ACADL: variants seen among roughly 807,000 people sequenced by gnomAD.
The protein encoded by ACADL is acyl-CoA dehydrogenase long chain, also known as long-chain specific acyl-CoA dehydrogenase, mitochondrial.
A neutral mutation model predicts 56.9 loss-of-function variants in ACADL; 60 were observed. The observed-to-expected ratio is 1.05, with a 90% CI of 0.86 to 1.31. The LOEUF (loss-of-function observed/expected upper bound fraction) is 1.31, where lower values mean the gene tolerates loss of function less well. Among genes scored for constraint, ACADL ranks in the 50% most tolerant of loss-of-function variants. ACADL has a pLI of 0.00. For synonymous variants in ACADL, 158 were observed against 179.7 expected (o/e 0.88, Z 0.97); for missense variants, 484 against 525.5 (o/e 0.92, Z 0.77).
Position 210,225,195 on chromosome 2 carries a change from G to A in ACADL, c.69C>T (p.Pro23=). 1 of 1,535,264 alleles carries A rather than the reference G, an allele frequency of 6.5e-7. No homozygotes were observed. The highest frequency in any genetic ancestry group is 2.0e-5 in the Admixed American group (1 of 51,138). Residue 23 remains proline (P), a synonymous_variant, in exon 1 of 11, where the codon CCC becomes CCT. Coordinates refer to ENST00000233710, the MANE Select transcript of ACADL (RefSeq NM_001608.4). ...TCCCGGCTGGCACTCACCGCGCGGC[G>A]GGCAGCTGGCGCGGCGCACGGTGGC... is the stretch of plus-strand genomic sequence containing the variant. ...LGGHRAPRQL[P]AARCSHSGGE... is the part of the protein sequence containing the mutation.
rs1487885043 is a variant in ACADL at position 210,195,269 on chromosome 2, G to A, written c.1054C>T (p.Leu352Phe). 1.2e-6 allele frequency: 2 copies of A among 1,613,776 alleles called. No individual in the cohort carries two copies. Among genetic ancestry groups the A allele is most frequent in the Non-Finnish European group, 1.7e-6 (2 of 1,179,916 alleles). ...CVTRAFVDNCLQLHEAKRLDS... is the reference protein window; with the variant it reads ...CVTRAFVDNCFQLHEAKRLDS... ...AAACGTTTCGCTTCATGCAGCTGGA[G>A]ACAGTTGTCCACAAATGCTCGGGTT... Residue 352 changes from leucine (L) to phenylalanine (F), a missense_variant, in exon 9 of 11, where the codon CTC becomes TTC. Transcript: ENST00000233710.
At chr2:210,196,968 C>T (rs1016879428) in intron 8 of ACADL, among the ~76,000 whole-genome samples, 1 of 152,190 alleles carries the variant, frequency 6.6e-6, no homozygotes, top group South Asian at 2.1e-4. Flanking sequence ...ATGCTGGCTA[C>T]AGCAATTCTC....
Position 210,218,007 on chromosome 2 carries a change from A to G in ACADL, c.329T>C (p.Ile110Thr), listed in dbSNP as rs140832039. The G allele has an allele frequency of 1.2e-5, 19 of 1,613,870 alleles. No individual in the cohort carries two copies. Among genetic ancestry groups the G allele is most frequent in the South Asian group, 9.9e-5 (9 of 91,082 alleles). The part of the protein sequence containing the change: ...GVNIAEHLGG[I>T]GGDLYSAAIV... ...AGCTGCGGAGTACAGATCCCCTCCA[A>G]TTCCACCAAGATGCTCTGCAATATT... is the stretch of plus-strand genomic sequence containing the variant. The change falls in exon 3 of 11, where the codon ATT (isoleucine) becomes ACT (threonine). Residue 110 changes from isoleucine (I) to threonine (T), a missense_variant. Transcript: ENST00000233710.
chr2:210,197,191 C>A (rs1375759895), intron 8 of ACADL, among the ~76,000 whole-genome samples: 1 of 152,062 alleles, frequency 6.6e-6, no homozygotes, highest in Non-Finnish European at 1.5e-5. Flanking sequence ...ACTGTCTTTC[C>A]CCTGGTTTTA....
intron 8 of ACADL, among the ~76,000 whole-genome samples, chr2:210,197,362 C>A (rs1008996234): frequency 6.6e-6 from 1 of 151,964 alleles, no homozygotes; most frequent in African/African-American, 2.4e-5. Flanking sequence ...TTATTGTTTC[C>A]CTTAATTTTT....
rs1689256592 is a variant in ACADL, at chr2:210,225,372, G to A, written c.-109C>T. 4 of 1,295,418 alleles carry A rather than the reference G, an allele frequency of 3.1e-6. No individual in the cohort carries two copies. The highest frequency in any genetic ancestry group is 3.1e-6 in the Non-Finnish European group (3 of 956,320). 80.2% of individuals were successfully genotyped at this position (1,295,418 alleles called of 1,614,324 possible). On this transcript the variant is annotated 5_prime_UTR_variant, in exon 1 of 11. Coordinates refer to ENST00000233710, the MANE Select transcript of ACADL (RefSeq NM_001608.4). Reference sequence around the variant, plus strand: ...CGATCAGCTGAGGCGTCCACCTGTGGTGTCCTCCCAAAAAAGCGCTCGCGC... The same window carrying A: ...CGATCAGCTGAGGCGTCCACCTGTGATGTCCTCCCAAAAAAGCGCTCGCGC...
intron 1 of ACADL, chr2:210,224,858 G>A (rs1689241663): frequency 1.9e-6 from 2 of 1,063,108 alleles, no homozygotes; most frequent in Non-Finnish European, 1.1e-6. Flanking sequence ...GCAGGCTCCC[G>A]GGTCCCACTG....
At chr2:210,215,056 G>T (rs1200999938) in intron 4 of ACADL, among the ~76,000 whole-genome samples, 1 of 152,136 alleles carries the variant, frequency 6.6e-6, no homozygotes, top group South Asian at 2.1e-4. Flanking sequence ...CCTGACCTCC[G>T]CAAAAACAAT....
At chr2:210,221,255 T>C (rs1689171779) in intron 1 of ACADL, among the ~76,000 whole-genome samples, 1 of 152,154 alleles carries the variant, frequency 6.6e-6, no homozygotes, top group East Asian at 1.9e-4. Context: ...AAATTGCAGG[T>C]GTATAAGATG....
chr2:210,199,323 A>G (rs1189384060), intron 8 of ACADL, among the ~76,000 whole-genome samples: 2 of 152,122 alleles, frequency 1.3e-5, no homozygotes, highest in African/African-American at 4.8e-5. Context: ...AAACAATACT[A>G]CTAGCTATCA....
intron 5 of ACADL, among the ~76,000 whole-genome samples, chr2:210,206,045 CATA>C (rs970286376): frequency 1.3e-5 from 2 of 151,858 alleles, no homozygotes; most frequent in Admixed American, 6.6e-5. Flanking sequence ...TAATATTATA[CATA>C]ATAATAATAA....
chr2:210,205,586 C>G (rs1319255031), intron 6 of ACADL, 46 bp downstream of exon 6: 4 of 1,587,822 alleles, frequency 2.5e-6, no homozygotes, highest in Non-Finnish European at 3.5e-6. Flanking sequence ...ATCTGATTAA[C>G]AGTAAACTCA....
chr2:210,223,473 G>A (rs1689210870), intron 1 of ACADL, among the ~76,000 whole-genome samples: 5 of 152,112 alleles, frequency 3.3e-5, no homozygotes. Context: ...TGAATCAGAA[G>A]CTGTATTTTA....
chr2:210,199,077 G>A (rs923992610), intron 8 of ACADL, among the ~76,000 whole-genome samples: 2 of 150,820 alleles, frequency 1.3e-5, no homozygotes. Context: ...AAAATGACAT[G>A]TGGCCAAGTA....
At chr2:210,212,388 G>A (rs1688998342) in intron 4 of ACADL, among the ~76,000 whole-genome samples, 1 of 152,034 alleles carries the variant, frequency 6.6e-6, no homozygotes, top group Non-Finnish European at 1.5e-5. Context: ...TGACCACAAA[G>A]GCAAAGACTG....
At chr2:210,218,347 C>G in intron 2 of ACADL, 1 of 413,436 alleles carries the variant, frequency 2.4e-6, no homozygotes, top group South Asian at 2.4e-5. Flanking sequence ...GTGGCACAAT[C>G]ATGGATCACT....
At chr2:210,208,702 G>A (rs958891438) in intron 5 of ACADL, among the ~76,000 whole-genome samples, 11 of 152,000 alleles carry the variant, frequency 7.2e-5, no homozygotes, top group Non-Finnish European at 1.5e-4. Flanking sequence ...TTTTAATATA[G>A]TAAAAATGTT....
chr2:210,203,494 T>C (rs1200893776), intron 7 of ACADL, 50 bp from the exon 8 acceptor site: 1 of 1,141,320 alleles, frequency 8.8e-7, no homozygotes, highest in Non-Finnish European at 1.3e-6. Flanking sequence ...ATGCAAGTGA[T>C]TTTCACACAA....
intron 4 of ACADL, among the ~76,000 whole-genome samples, chr2:210,211,853 C>T (rs1270134068): frequency 7.0e-6 from 1 of 142,098 alleles, no homozygotes; most frequent in Non-Finnish European, 1.5e-5. Flanking sequence ...TTTTTGAGAC[C>T]GAGTTTTTCT....
Sources: allele counts gnomAD v4.1 joint callset (sites outside exome capture counted in the v4.1 genomes callset), GRCh38; gene constraint gnomAD v4.1.1; transcripts MANE v1.5; gene names NCBI Gene and HGNC (gene_info 2026-07-23, HGNC 2026-07-21).